LRPPRC: variants seen among roughly 807,000 people sequenced by gnomAD.
LRPPRC encodes the protein leucine rich pentatricopeptide repeat containing.
In LRPPRC, 120 loss-of-function variants were observed where a neutral mutation model predicts 180.3. The observed-to-expected ratio is 0.67, with a 90% CI of 0.57 to 0.77. The LOEUF is 0.77. Among genes scored for constraint, LRPPRC ranks in the 30% least tolerant of loss-of-function variants. LRPPRC has a pLI of 0.00. For synonymous variants in LRPPRC, 723 were observed against 600.0 expected (o/e 1.21, Z -3.00); for missense variants, 2,012 against 1,657.2 (o/e 1.21, Z -3.72).
At chr2:43,906,756 C>T (rs1371561857) in intron 30 of LRPPRC, among the ~76,000 whole-genome samples, 1 of 152,202 alleles carries the variant, frequency 6.6e-6, no homozygotes, top group East Asian at 1.9e-4. Context: ...TTATTTTCAT[C>T]AATCCCAAGA....
At position 43,928,751 on chromosome 2, in the gene LRPPRC, G is replaced by A. The variant is rs192899870; in HGVS notation, c.2737-2790C>T. On this transcript the variant is annotated intron_variant, in intron 25 of 37. Coordinates refer to ENST00000260665, the MANE Select transcript of LRPPRC (RefSeq NM_133259.4). ...CACTCCAGTCTGGGCAACACAGTGT[G>A]ACCCCATCTCTTAAAAAAAAAAGAA... Among the ~76,000 whole-genome samples, 72 of 151,666 alleles carry A rather than the reference G, an allele frequency of 4.7e-4. 1 individual carries two copies. The highest frequency in any genetic ancestry group is 1.7e-3 in the African/African-American group (69 of 41,318).
intron 27 of LRPPRC, among the ~76,000 whole-genome samples, chr2:43,919,943 A>AAT (rs1671636064): frequency 6.6e-6 from 1 of 152,048 alleles, no homozygotes; most frequent in Non-Finnish European, 1.5e-5. Flanking sequence ...AAATACTAAA[A>AAT]ACACGTAGGA....
chr2:43,909,337 G>A (rs62136828), intron 30 of LRPPRC, among the ~76,000 whole-genome samples: 11,510 of 147,792 alleles, frequency 0.078, 552 homozygotes, highest in South Asian at 0.14. Context: ...CACGGAGGAA[G>A]GCAACTCCCA....
At chr2:43,949,970 GAA>G (rs749835926) in intron 15 of LRPPRC, among the ~76,000 whole-genome samples, 55 of 152,254 alleles carry the variant, frequency 3.6e-4, no homozygotes, top group Admixed American at 6.5e-4. Flanking sequence ...GTTATAAATA[GAA>G]AAGAGCTTAT....
chr2:43,935,377 A>G (rs1318128905), intron 23 of LRPPRC, among the ~76,000 whole-genome samples: 1 of 152,204 alleles, frequency 6.6e-6, no homozygotes, highest in Non-Finnish European at 1.5e-5. Context: ...CATCTTTATC[A>G]TAATATTTTC....
intron 23 of LRPPRC, 74 bp from the exon 24 acceptor site, chr2:43,934,952 G>T: frequency 8.3e-7 from 1 of 1,204,642 alleles, no homozygotes; most frequent in South Asian, 1.3e-5. Context: ...ACTTTAGAGA[G>T]ATGTTTAATG....
Position 43,979,888 on chromosome 2 carries a change from T to A in LRPPRC, c.407A>T (p.Glu136Val). ...TTCTGTTCTCTCTTCAAGCTTTAGT[T>A]CAGGCAAGAGAGAACCACAACTACG... ...LLRSCGSLLP[E>V]LKLEERTEFA... Residue 136 changes from glutamate (E) to valine (V), a missense_variant, in exon 3 of 38, where the codon GAA becomes GTA. Transcript: ENST00000260665. The A allele has an allele frequency of 3.7e-6, 6 of 1,613,430 alleles. No homozygotes were observed. The highest frequency in any genetic ancestry group is 5.1e-6 in the Non-Finnish European group (6 of 1,179,422).
At chr2:43,939,992 G>GA (rs1475757931) in intron 23 of LRPPRC, among the ~76,000 whole-genome samples, 1 of 152,128 alleles carries the variant, frequency 6.6e-6, no homozygotes, top group Non-Finnish European at 1.5e-5. Context: ...GACAGAGGCA[G>GA]AAAAAACCCT....
chr2:43,960,703 G>C, intron 12 of LRPPRC, 69 bp from the exon 13 acceptor site: 1 of 811,876 alleles, frequency 1.2e-6, no homozygotes, highest in Non-Finnish European at 2.2e-6. Context: ...CAAAGATCCT[G>C]TTTTCCTGAT....
At chr2:43,996,041 G>T (rs530094776), upstream of LRPPRC, 27 of 1,306,260 alleles carry the variant, frequency 2.1e-5, no homozygotes, top group African/African-American at 4.6e-5. Flanking sequence ...GAGACCAACT[G>T]CCGGGCGTGC....
Position 43,887,509 on chromosome 2 carries a change from G to C in LRPPRC, c.*1091C>G, listed in dbSNP as rs1670310831. ...GATGTGAACAGTGTGACCCAAGTTG[G>C]CACTGAAACTGGAACAGTAGGGAGT... On this transcript the variant is annotated 3_prime_UTR_variant, in exon 38 of 38. Coordinates refer to ENST00000260665, the MANE Select transcript of LRPPRC (RefSeq NM_133259.4). 6.6e-6 allele frequency: 1 copy of C among 152,204 alleles called. No homozygotes were observed. Among genetic ancestry groups the C allele is most frequent in the Non-Finnish European group, 1.5e-5 (1 of 68,044 alleles). The allele number at this position is 152,204 out of a possible 1,614,324, so 9.4% of individuals were successfully genotyped here. A position where few individuals can be genotyped will look rare whatever the true frequency, so the allele number is the denominator to read the frequency against.
chr2:43,904,977 A>T (rs1353144343), intron 31 of LRPPRC, among the ~76,000 whole-genome samples: 1 of 152,094 alleles, frequency 6.6e-6, no homozygotes, highest in Non-Finnish European at 1.5e-5. Context: ...GATCATTCAT[A>T]AGACCTCCAC....
chr2:43,950,992 C>G lies in LRPPRC; in HGVS notation c.1650-392G>C, dbSNP rs778478652. On this transcript the variant is annotated intron_variant, in intron 14 of 37. Coordinates refer to ENST00000260665, the MANE Select transcript of LRPPRC (RefSeq NM_133259.4). ...GGCTGAGGCAGGAGAATTGCCTGAA[C>G]CCGGGAAGCGGAGGTTGCAGTGAGC... Among the ~76,000 whole-genome samples, 5 of 152,180 alleles carry G rather than the reference C, an allele frequency of 3.3e-5. No individual in the cohort carries two copies. The South Asian group carries it at 1.0e-3, about 32-fold the overall frequency.
intron 11 of LRPPRC, among the ~76,000 whole-genome samples, chr2:43,971,865 G>A (rs1049784511): frequency 1.3e-5 from 2 of 152,240 alleles, no homozygotes; most frequent in African/African-American, 4.8e-5. Context: ...CTACTGCAAA[G>A]AAGAATATAT....
chr2:43,975,635 T>C (rs1214184043), intron 6 of LRPPRC, among the ~76,000 whole-genome samples: 1 of 151,406 alleles, frequency 6.6e-6, no homozygotes, highest in Non-Finnish European at 1.5e-5. Context: ...CAGGCTGGAG[T>C]GCAATGGTGT....
chr2:43,901,444 ATG>A lies in LRPPRC; in HGVS notation c.3443_3444del (p.Ala1148ValfsTer6). 1.9e-6 allele frequency: 3 copies of A among 1,613,838 alleles called. No individual in the cohort carries two copies. Among genetic ancestry groups the A allele is most frequent in the Non-Finnish European group, 8.5e-7 (1 of 1,179,732 alleles). On this transcript the variant is annotated frameshift_variant, in exon 32 of 38. Coordinates refer to ENST00000260665, the MANE Select transcript of LRPPRC (RefSeq NM_133259.4). LOFTEE classifies it high-confidence loss of function. Reference sequence around the variant, plus strand: ...TTTTCAACATCACCCTTCATGGCCAATGCCTGGATGACACGGGTCACTGCTAA... The same window carrying A: ...TTTTCAACATCACCCTTCATGGCCAACCTGGATGACACGGGTCACTGCTAA... ...SRLAVTRVIQ[A>X]LAMKGDVENI...
intron 5 of LRPPRC, 43 bp from the exon 6 acceptor site, chr2:43,976,272 G>C: frequency 1.9e-6 from 2 of 1,069,584 alleles, no homozygotes; most frequent in Non-Finnish European, 2.9e-6. Context: ...GTATTTATAA[G>C]AACACTCTTT....
Position 43,979,933 on chromosome 2 carries a change from C to T in LRPPRC, c.362G>A (p.Ser121Asn), listed in dbSNP as rs750939970. Residue 121 changes from serine (S) to asparagine (N), a missense_variant, in exon 3 of 38, where the codon AGT (serine) becomes AAT (asparagine). By Grantham distance (46) the Ser-to-Asn change is conservative (BLOSUM62 1). Coordinates refer to ENST00000260665, the MANE Select transcript of LRPPRC (RefSeq NM_133259.4). ...ACTACGTAGTAGAAGCAAGGCATGACTACCACCTAGGCCACCTGTGGAAAA... is the reference window on the plus strand; with the variant it reads ...ACTACGTAGTAGAAGCAAGGCATGATTACCACCTAGGCCACCTGTGGAAAA... Reference protein sequence around the residue: ...DTCRSGGLGGSHALLLLRSCG... With the variant: ...DTCRSGGLGGNHALLLLRSCG... 2 of 1,613,928 alleles carry T rather than the reference C, an allele frequency of 1.2e-6. No individual in the cohort carries two copies. Among genetic ancestry groups the T allele is most frequent in the Non-Finnish European group, 1.7e-6 (2 of 1,179,886 alleles).
intron 6 of LRPPRC, 86 bp from the exon 7 acceptor site, chr2:43,975,303 A>T: frequency 9.0e-7 from 1 of 1,109,826 alleles, no homozygotes; most frequent in Non-Finnish European, 1.3e-6. Context: ...TTATTAAAAT[A>T]AAAAATGCTA....
Sources: gnomAD v4.1 joint callset for allele counts (sites outside exome capture counted in the v4.1 genomes callset) on GRCh38, gnomAD v4.1.1 for gene constraint, MANE v1.5 for transcripts, NCBI Gene and HGNC (gene_info 2026-07-23, HGNC 2026-07-21) for gene names.